The following ABCC4 variants were observed in gnomAD, a reference collection of about 807,000 sequenced individuals.
ABCC4 encodes ATP-binding cassette sub-family C member 4.
A neutral mutation model predicts 168.5 loss-of-function variants in ABCC4; 102 were observed. The ratio of observed to expected loss-of-function variants is 0.61; its 90% CI spans 0.52 to 0.71. The LOEUF (loss-of-function observed/expected upper bound fraction) is 0.71. Ranked by LOEUF, ABCC4 falls within the 30% of genes least tolerant of loss-of-function variation. The probability of loss-of-function intolerance (pLI) is 0.00; values close to 1 mark genes in which losing one functional copy is unlikely to be tolerated. For missense variants in ABCC4, 1,402 were observed against 1,605.8 expected (o/e 0.87, Z 2.17); for synonymous variants, 617 against 590.7 (o/e 1.04, Z -0.65).
chr13:95,071,470 C>T (rs1293697101), intron 25 of ABCC4, among the ~76,000 whole-genome samples, 192 bp downstream of exon 25: 1 of 152,158 alleles, frequency 6.6e-6, no homozygotes, highest in Non-Finnish European at 1.5e-5. Flanking sequence ...AGCCCTGAGG[C>T]CCGGGGCCCA....
chr13:95,116,137 C>A, intron 19 of ABCC4, 136 bp from the exon 20 acceptor site: 1 of 523,058 alleles, frequency 1.9e-6, no homozygotes, highest in Admixed American at 4.0e-5. Context: ...AAGCCGATGT[C>A]AGTGGTAAAG....
chr13:95,161,398 T>A (rs1018130704), intron 18 of ABCC4, 63 bp from the exon 19 acceptor site: 2 of 1,336,094 alleles, frequency 1.5e-6, no homozygotes, highest in East Asian at 5.1e-5. Flanking sequence ...CAATAGTTGC[T>A]AAAGCAAGCC....
At chr13:95,177,636 A>G in intron 13 of ABCC4, 71 bp downstream of exon 13, 3 of 1,298,360 alleles carry the variant, frequency 2.3e-6, no homozygotes, top group Non-Finnish European at 3.3e-6. Flanking sequence ...TGAAAGCCAT[A>G]AAGGCTTTCC....
In ABCC4 at chr13:95,089,491, A is replaced by C. The variant is rs555674333; in HGVS notation, c.2536-6201T>G. ...AATTTAGCTAGGCGTGGTCACGGGC[A>C]CCTGTAATCCCAGCTACTTGGGAGG... On this transcript the variant is annotated intron_variant, in intron 20 of 30. Coordinates refer to ENST00000645237, the MANE Select transcript of ABCC4 (RefSeq NM_005845.5). Among the ~76,000 whole-genome samples, 247 of 152,198 alleles carry C rather than the reference A, an allele frequency of 1.6e-3. 1 individual carries two copies. The highest frequency in any genetic ancestry group is 5.0e-3 in the African/African-American group (206 of 41,526).
chr13:95,227,743 C>G (rs967711650), intron 4 of ABCC4, among the ~76,000 whole-genome samples: 1 of 152,200 alleles, frequency 6.6e-6, no homozygotes, highest in Admixed American at 6.5e-5. Context: ...GAGTCTTGTT[C>G]TGTCACCCAC....
chr13:95,071,603 A>C, intron 25 of ABCC4, 59 bp downstream of exon 25: 1 of 1,344,828 alleles, frequency 7.4e-7, no homozygotes, highest in Non-Finnish European at 9.7e-7. Context: ...GGAAGACAAC[A>C]AGCAGACATA....
chr13:95,216,608 C>CAAAAAAAAAAAAA (rs199711816), intron 4 of ABCC4, among the ~76,000 whole-genome samples: 3 of 125,554 alleles, frequency 2.4e-5, no homozygotes, highest in African/African-American at 9.5e-5. Context: ...AGGAAATTCA[C>CAAAAAAAAAAAAA]AAAAAAAAAA....
chr13:95,184,876 T>C (rs1012639368), intron 11 of ABCC4, among the ~76,000 whole-genome samples: 1 of 152,110 alleles, frequency 6.6e-6, no homozygotes, highest in African/African-American at 2.4e-5. Flanking sequence ...ACTAGCAAAA[T>C]TTGCCATCTG....
At chr13:95,264,743 G>A (rs753836473) in intron 1 of ABCC4, among the ~76,000 whole-genome samples, 2 of 152,128 alleles carry the variant, frequency 1.3e-5, no homozygotes, top group Non-Finnish European at 2.9e-5. Context: ...AACTGGTTAT[G>A]GAGTTTGAAG....
chr13:95,296,176 ACACAC>A (rs1566609486), intron 1 of ABCC4, among the ~76,000 whole-genome samples: 30 of 50,774 alleles, frequency 5.9e-4, no homozygotes, highest in African/African-American at 1.5e-3. Flanking sequence ...ACACACACAC[ACACAC>A]ACAAAAACAC....
intron 8 of ABCC4, among the ~76,000 whole-genome samples, chr13:95,196,507 T>C (rs1003704636): frequency 6.7e-6 from 1 of 150,102 alleles, no homozygotes; most frequent in African/African-American, 2.5e-5. Flanking sequence ...GGCTCCTCCC[T>C]CATTGCACTC....
intron 20 of ABCC4, among the ~76,000 whole-genome samples, chr13:95,089,443 C>A (rs1332473600): frequency 6.6e-6 from 1 of 152,088 alleles, no homozygotes; most frequent in Non-Finnish European, 1.5e-5. Flanking sequence ...CATGGTGAAA[C>A]CCCGTCTCTA....
intron 20 of ABCC4, among the ~76,000 whole-genome samples, chr13:95,083,836 T>C (rs555489464): frequency 2.0e-5 from 3 of 152,224 alleles, no homozygotes; most frequent in South Asian, 2.1e-4. Flanking sequence ...ATTAGTTCTT[T>C]TGAAACACTC....
chr13:95,149,470 G>T (rs2036604013), intron 19 of ABCC4, among the ~76,000 whole-genome samples: 1 of 151,990 alleles, frequency 6.6e-6, no homozygotes, highest in Non-Finnish European at 1.5e-5. Flanking sequence ...AAAAAGAGAA[G>T]AAGAATACAT....
intron 30 of ABCC4, among the ~76,000 whole-genome samples, chr13:95,031,050 T>C (rs1285747104): frequency 5.3e-5 from 8 of 152,216 alleles, no homozygotes; most frequent in Non-Finnish European, 1.0e-4. Flanking sequence ...AATTCTAATC[T>C]GTGAGAGCGA....
intron 20 of ABCC4, among the ~76,000 whole-genome samples, chr13:95,112,252 C>T (rs1349218293): frequency 6.6e-6 from 1 of 151,512 alleles, no homozygotes; most frequent in Non-Finnish European, 1.5e-5. Flanking sequence ...ACTCAGGAGG[C>T]TGAGGCATGA....
At position 95,150,523 on chromosome 13, in the gene ABCC4, T is replaced by A. The variant is rs545862495; in HGVS notation, c.2455+10666A>T. 1.3e-4 allele frequency among the ~76,000 whole-genome samples: 19 copies of A among 151,590 alleles called. No homozygotes were observed. In the East Asian group the frequency reaches 3.5e-3, roughly 28 times the overall value. ...CTTCCCCACTGCCAGGGCCTCAAAA[T>A]GTACTTTGAAGCTTGTCGAGTCTTT... On this transcript the variant is annotated intron_variant, in intron 19 of 30. Coordinates refer to ENST00000645237, the MANE Select transcript of ABCC4 (RefSeq NM_005845.5).
intron 3 of ABCC4, 111 bp downstream of exon 3, chr13:95,246,864 A>G: frequency 7.8e-7 from 1 of 1,282,010 alleles, no homozygotes; most frequent in Non-Finnish European, 1.1e-6. Flanking sequence ...TTCAAACCCC[A>G]TCTGGCCACT....
intron 1 of ABCC4, among the ~76,000 whole-genome samples, chr13:95,248,895 C>G (rs1018849976): frequency 6.6e-6 from 1 of 152,050 alleles, no homozygotes; most frequent in Non-Finnish European, 1.5e-5. Context: ...TAAAAATTAG[C>G]GAGGTGTGAT....
Sources: allele counts gnomAD v4.1 joint callset (sites outside exome capture counted in the v4.1 genomes callset), GRCh38; gene constraint gnomAD v4.1.1; transcripts MANE v1.5; gene names NCBI Gene and HGNC (gene_info 2026-07-23, HGNC 2026-07-21).